The following PTP4A1 variants were observed in gnomAD, a reference collection of about 807,000 sequenced individuals.
PTP4A1 encodes protein tyrosine phosphatase type IVA 1.
In PTP4A1, 9 loss-of-function variants were observed where a neutral mutation model predicts 20.5. The observed-to-expected ratio is 0.44, with a 90% CI of 0.26 to 0.77. The LOEUF (loss-of-function observed/expected upper bound fraction) is 0.77. Among genes scored for constraint, PTP4A1 ranks in the 30% least tolerant of loss-of-function variants. PTP4A1 has a pLI of 0.19. For synonymous variants in PTP4A1, 78 were observed against 67.4 expected, an observed-to-expected ratio of 1.16 and a Z score of -0.77; for missense variants, 137 against 218.8, an observed-to-expected ratio of 0.63 and a Z score of 2.36.
upstream of PTP4A1, among the ~76,000 whole-genome samples, chr6:63,518,951 G>A (rs1479626515): frequency 1.3e-5 from 2 of 152,112 alleles, no homozygotes; most frequent in Admixed American, 1.3e-4. Context: ...GCAGGATCTG[G>A]GTAGCACCCT....
At chr6:63,560,576 T>C (rs1327384007) in intron 3 of PTP4A1, among the ~76,000 whole-genome samples, 1 of 151,568 alleles carries the variant, frequency 6.6e-6, no homozygotes, top group East Asian at 1.9e-4. Flanking sequence ...ATCTGTGTAT[T>C]TTTTTTAAGT....
upstream of PTP4A1, among the ~76,000 whole-genome samples, chr6:63,569,549 C>T (rs992249801): frequency 2.0e-5 from 3 of 152,208 alleles, no homozygotes; most frequent in African/African-American, 7.2e-5. Context: ...CAGGCATGAG[C>T]CTGTATGCCA....
upstream of PTP4A1, chr6:63,521,685 G>A (rs1009298093): frequency 5.3e-5 from 8 of 152,076 alleles, no homozygotes; most frequent in African/African-American, 1.9e-4. Flanking sequence ...CCCTTTCTCT[G>A]CCTCCCCTAC....
At chr6:63,550,649 G>T (rs1776397645) in intron 3 of PTP4A1, among the ~76,000 whole-genome samples, 1 of 152,132 alleles carries the variant, frequency 6.6e-6, no homozygotes, top group Admixed American at 6.6e-5. Flanking sequence ...AATTGAGACA[G>T]GGTCTCCCTC....
the PTP4A1 span, among the ~76,000 whole-genome samples, chr6:63,516,744 G>A: frequency 1.5e-4 from 23 of 152,266 alleles, no homozygotes; most frequent in East Asian, 4.0e-3. Flanking sequence ...TGTGGCAATG[G>A]CATGTGCTAC....
intron 2 of PTP4A1, among the ~76,000 whole-genome samples, chr6:63,537,109 G>A (rs1271321664): frequency 6.6e-6 from 1 of 152,056 alleles, no homozygotes; most frequent in Non-Finnish European, 1.5e-5. Context: ...GGGCTTCCAT[G>A]GATTCATGAT....
At chr6:63,544,504 T>C (rs1449603636) in intron 2 of PTP4A1, among the ~76,000 whole-genome samples, 7 of 152,142 alleles carry the variant, frequency 4.6e-5, no homozygotes. Flanking sequence ...TCTTAGCTCA[T>C]CTACACTAGC....
chr6:63,518,171 A>C (rs1774800336), upstream of PTP4A1, among the ~76,000 whole-genome samples: 1 of 152,016 alleles, frequency 6.6e-6, no homozygotes, highest in South Asian at 2.1e-4. Flanking sequence ...AAAAAAAAAA[A>C]AAATCTCAGT....
At chr6:63,569,507 A>G (rs1393648034), upstream of PTP4A1, among the ~76,000 whole-genome samples, 1 of 152,116 alleles carries the variant, frequency 6.6e-6, no homozygotes, top group African/African-American at 2.4e-5. Context: ...CAGGTGATCC[A>G]CCCACCTTGG....
chr6:63,529,549 AT>A (rs1259810255), intron 2 of PTP4A1, among the ~76,000 whole-genome samples: 1 of 151,932 alleles, frequency 6.6e-6, no homozygotes, highest in Non-Finnish European at 1.5e-5. Flanking sequence ...CTCGCTTTTA[AT>A]TCTCACCCCT....
At chr6:63,575,839 AGATTCTAAATATAG>A (rs1372870014) in intron 1 of PTP4A1, among the ~76,000 whole-genome samples, 1 of 152,120 alleles carries the variant, frequency 6.6e-6, no homozygotes, top group African/African-American at 2.4e-5. Flanking sequence ...GGATAAAGTG[AGATTCTAAATATAG>A]GACTTAAATC....
At chr6:63,550,382 G>A (rs1298478564) in exon 3 of PTP4A1, 1 of 152,158 alleles carries the variant, frequency 6.6e-6, no homozygotes, top group African/African-American at 2.4e-5. Flanking sequence ...TGAGGGTGAA[G>A]CTACAAAGGT....
At chr6:63,579,860 A>T (rs890730840) in intron 5 of PTP4A1, among the ~76,000 whole-genome samples, 197 bp from the exon 6 acceptor site, 13 of 152,192 alleles carry the variant, frequency 8.5e-5, no homozygotes, top group Non-Finnish European at 1.5e-4. Context: ...TCAAACGAAG[A>T]TATAAAGAAA....
rs377197075 is a variant in PTP4A1, at chr6:63,579,011, C to T, written c.312C>T (p.Cys104=). Residue 104 remains cysteine (C), a synonymous_variant, in exon 4 of 6, where the codon TGC becomes TGT. Coordinates refer to ENST00000626021, the MANE Select transcript of PTP4A1 (RefSeq NM_003463.5). The part of the protein sequence containing the change: ...EEPGCCIAVH[C]VAGLGRAPVL... ...CTGGTTGTTGTATTGCTGTTCATTG[C>T]GTTGCAGGCCTTGGGAGGTAAATGA... 211 of 1,597,756 alleles carry T rather than the reference C, an allele frequency of 1.3e-4. No homozygotes were observed. The highest frequency in any genetic ancestry group is 3.1e-4 in the South Asian group (27 of 86,938).
intron 3 of PTP4A1, among the ~76,000 whole-genome samples, chr6:63,551,647 G>C (rs985403950): frequency 6.6e-6 from 1 of 151,754 alleles, no homozygotes; most frequent in African/African-American, 2.4e-5. Flanking sequence ...TTAACTTGTC[G>C]TTTACATTAG....
At chr6:63,566,907 TCAA>T (rs1777215248) in intron 3 of PTP4A1, among the ~76,000 whole-genome samples, 1 of 152,224 alleles carries the variant, frequency 6.6e-6, no homozygotes, top group African/African-American at 2.4e-5. Flanking sequence ...CTTTATCATT[TCAA>T]CAATGCTTAC....
intron 3 of PTP4A1, among the ~76,000 whole-genome samples, chr6:63,555,031 C>T (rs1776619787): frequency 6.6e-6 from 1 of 152,132 alleles, no homozygotes; most frequent in Admixed American, 6.5e-5. Flanking sequence ...CAGAACACAG[C>T]CAAGCAAAGC....
intron 1 of PTP4A1, among the ~76,000 whole-genome samples, chr6:63,526,125 G>T (rs745418701): frequency 6.6e-6 from 1 of 151,868 alleles, no homozygotes; most frequent in Non-Finnish European, 1.5e-5. Flanking sequence ...AGGAGTTCAA[G>T]ACCAGCCTGG....
intron 3 of PTP4A1, among the ~76,000 whole-genome samples, chr6:63,566,549 C>T (rs1031507783): frequency 1.3e-5 from 2 of 152,184 alleles, no homozygotes; most frequent in South Asian, 2.1e-4. Flanking sequence ...GTGGGGAAAA[C>T]GGGTACCCTA....
Sources: gnomAD v4.1 joint callset for allele counts (sites outside exome capture counted in the v4.1 genomes callset) on GRCh38, gnomAD v4.1.1 for gene constraint, MANE v1.5 for transcripts, NCBI Gene and HGNC (gene_info 2026-07-23, HGNC 2026-07-21) for gene names.